Variants in AGBL1 observed in about 807,000 individuals in gnomAD.
AGBL1 encodes the protein AGBL carboxypeptidase 1, also known as cytosolic carboxypeptidase 4.
AGBL1 carries 130 observed loss-of-function variants against 118.9 expected under a neutral mutation model. The observed-to-expected ratio is 1.09, with a 90% CI of 0.95 to 1.26. The LOEUF is 1.26. Ranked by LOEUF, AGBL1 falls within the 50% of genes most tolerant of loss-of-function variation. The pLI is 0.00. For missense variants in AGBL1, 1,584 were observed against 1,298.1 expected (o/e 1.22, Z -3.38); for synonymous variants, 555 against 478.9 (o/e 1.16, Z -2.08).
chr15:86,766,115 G>A (rs1441228871), intron 22 of AGBL1, among the ~76,000 whole-genome samples: 2 of 151,832 alleles, frequency 1.3e-5, no homozygotes, highest in African/African-American at 2.4e-5. Flanking sequence ...AGTGAGATAG[G>A]TTACAGTGGT....
At chr15:86,571,861 A>G (rs553621086) in intron 21 of AGBL1, among the ~76,000 whole-genome samples, 1 of 152,062 alleles carries the variant, frequency 6.6e-6, no homozygotes. Context: ...GGGCTTCACT[A>G]GGGACCTGCC....
chr15:86,933,659 C>G (rs2080632517), intron 23 of AGBL1, among the ~76,000 whole-genome samples: 1 of 152,178 alleles, frequency 6.6e-6, no homozygotes, highest in Admixed American at 6.5e-5. Context: ...GATTACATCC[C>G]CTCCTCAATG....
chr15:86,987,598 C>A (rs2081297920), intron 23 of AGBL1, among the ~76,000 whole-genome samples: 1 of 151,932 alleles, frequency 6.6e-6, no homozygotes, highest in African/African-American at 2.4e-5. Flanking sequence ...CCTTCCATTT[C>A]TTTTACTATT....
At chr15:86,618,920 T>C (rs981449146) in intron 21 of AGBL1, among the ~76,000 whole-genome samples, 1 of 152,112 alleles carries the variant, frequency 6.6e-6, no homozygotes, top group Non-Finnish European at 1.5e-5. Context: ...GCTCCTACTT[T>C]GTAGTTGCTT....
rs187684248 is a variant in AGBL1 at position 86,397,560 on chromosome 15, C to G, written c.2555+14C>G. On this transcript the variant is annotated intron_variant, in intron 18 of 22. Transcript: ENST00000614907. ...CATCAACGGCAAGTATGTCAGGCACCTGGCTCAGCCAAACCCACAATTATG... is the reference window on the plus strand; with the variant it reads ...CATCAACGGCAAGTATGTCAGGCACGTGGCTCAGCCAAACCCACAATTATG... 3.1e-6 allele frequency: 5 copies of G among 1,591,168 alleles called. No homozygotes were observed. The highest frequency in any genetic ancestry group is 1.1e-5 in the South Asian group (1 of 87,516).
chr15:86,516,117 T>G (rs1021599749), intron 18 of AGBL1, among the ~76,000 whole-genome samples: 1 of 152,050 alleles, frequency 6.6e-6, no homozygotes, highest in African/African-American at 2.4e-5. Flanking sequence ...ACTAGAGGAG[T>G]AGTCACTTAT....
rs1184884008 is a variant in AGBL1 at position 86,916,049 on chromosome 15, G to A, written c.*8755G>A. On this transcript the variant is annotated 3_prime_UTR_variant, in exon 23 of 23. Coordinates refer to ENST00000614907, the MANE Select transcript of AGBL1 (RefSeq NM_001386094.1). ...TTGTTTTCCAATCACCGACTGTCCT[G>A]TCTACATTAGCATTCACCCCGGGTG... The A allele has an allele frequency of 6.6e-6, 1 of 152,204 alleles. No homozygotes were observed. Among genetic ancestry groups the A allele is most frequent in the Non-Finnish European group, 1.5e-5 (1 of 68,066 alleles). The allele number at this position is 152,204 out of a possible 1,614,324, so 9.4% of individuals were successfully genotyped here. A position where few individuals can be genotyped will look rare whatever the true frequency, so the allele number is the denominator to read the frequency against.
At chr15:86,492,677 C>A (rs954207919) in intron 18 of AGBL1, among the ~76,000 whole-genome samples, 3 of 150,222 alleles carry the variant, frequency 2.0e-5, no homozygotes, top group African/African-American at 7.3e-5. Context: ...AAATAGGAAA[C>A]CATTGATGAG....
chr15:86,342,151 T>C (rs1043851893), intron 17 of AGBL1, among the ~76,000 whole-genome samples: 2 of 152,228 alleles, frequency 1.3e-5, no homozygotes, highest in Admixed American at 6.5e-5. Context: ...ACATCCTTTT[T>C]TTACTGCTAC....
intron 17 of AGBL1, among the ~76,000 whole-genome samples, chr15:86,357,437 C>A (rs572824120): frequency 2.0e-5 from 3 of 152,068 alleles, no homozygotes; most frequent in Non-Finnish European, 4.4e-5. Context: ...TATTAAAATT[C>A]ACTGTTTCTA....
chr15:86,178,732 A>G (rs748514503), intron 5 of AGBL1, among the ~76,000 whole-genome samples: 3 of 152,252 alleles, frequency 2.0e-5, no homozygotes, highest in Admixed American at 6.5e-5. Flanking sequence ...AACTTATTCA[A>G]TGAAGCCAGC....
chr15:86,720,894 T>A (rs1258932740), intron 22 of AGBL1, among the ~76,000 whole-genome samples: 1 of 151,860 alleles, frequency 6.6e-6, no homozygotes, highest in Non-Finnish European at 1.5e-5. Flanking sequence ...AACTGGAAAA[T>A]CTAGAAGAAA....
intron 5 of AGBL1, among the ~76,000 whole-genome samples, chr15:86,224,383 C>G (rs924566567): frequency 1.1e-4 from 16 of 152,070 alleles, no homozygotes; most frequent in African/African-American, 1.9e-4. Context: ...AAGAAAAATC[C>G]CAACATAACT....
intron 8 of AGBL1, 21 bp downstream of exon 8, chr15:86,257,039 T>A: frequency 6.2e-7 from 1 of 1,608,766 alleles, no homozygotes; most frequent in Non-Finnish European, 8.5e-7. Flanking sequence ...TTGGTAACTA[T>A]GACCTTTAAG....
chr15:86,703,651 T>C (rs1488328442), intron 22 of AGBL1, among the ~76,000 whole-genome samples: 2 of 151,974 alleles, frequency 1.3e-5, no homozygotes, highest in Non-Finnish European at 2.9e-5. Context: ...ATGGGGATGG[T>C]TTTTTCCCAT....
intron 23 of AGBL1, among the ~76,000 whole-genome samples, chr15:86,975,631 G>T (rs1016792136): frequency 6.6e-6 from 1 of 152,114 alleles, no homozygotes. Flanking sequence ...TGTTTCTAAA[G>T]CACAATGTTT....
intron 1 of AGBL1, among the ~76,000 whole-genome samples, chr15:86,129,907 G>A (rs999856892): frequency 6.6e-6 from 1 of 152,096 alleles, no homozygotes; most frequent in African/African-American, 2.4e-5. Context: ...TGGAATGGGA[G>A]GATGAATGCT....
At chr15:86,801,888 A>G (rs867887625) in intron 22 of AGBL1, among the ~76,000 whole-genome samples, 2 of 152,088 alleles carry the variant, frequency 1.3e-5, no homozygotes, top group South Asian at 4.1e-4. Context: ...GCTCTCAGAG[A>G]CTTAAAGGGA....
At chr15:86,840,385 T>C (rs1444782128) in intron 22 of AGBL1, among the ~76,000 whole-genome samples, 1 of 152,180 alleles carries the variant, frequency 6.6e-6, no homozygotes, top group East Asian at 1.9e-4. Context: ...GGACCAAGCT[T>C]AAGCTCCCAA....
Sources: gnomAD v4.1 joint callset for allele counts (sites outside exome capture counted in the v4.1 genomes callset) on GRCh38, gnomAD v4.1.1 for gene constraint, MANE v1.5 for transcripts, NCBI Gene and HGNC (gene_info 2026-07-23, HGNC 2026-07-21) for gene names.